The following PWP1 variants were observed in gnomAD, a reference collection of about 807,000 sequenced individuals.
The protein encoded by PWP1 is PWP1 homolog, endonuclein.
PWP1 carries 47 observed loss-of-function variants against 69.9 expected under a neutral mutation model. That is an observed-to-expected ratio of 0.67 (90% CI 0.53 to 0.86). The LOEUF is 0.86. Among genes scored for constraint, PWP1 ranks in the 40% least tolerant of loss-of-function variants. PWP1 has a pLI of 0.00. For missense variants in PWP1, 551 were observed against 608.8 expected, an observed-to-expected ratio of 0.91 and a Z score of 1.00; for synonymous variants, 222 against 208.2, an observed-to-expected ratio of 1.07 and a Z score of -0.57.
At chr12:107,693,492 A>C (rs1282597252) in intron 5 of PWP1, among the ~76,000 whole-genome samples, 1 of 151,888 alleles carries the variant, frequency 6.6e-6, no homozygotes, top group Non-Finnish European at 1.5e-5. Flanking sequence ...AGAGGTTTTT[A>C]ATCTTTTATT....
chr12:107,712,295 C>T lies in PWP1; in HGVS notation c.*75C>T. ...TGGCCTAAAAATGTTCCATGCGTGG[C>T]AGCAACCATGCAGAGTGACTGAAAC... On this transcript the variant is annotated 3_prime_UTR_variant, in exon 15 of 15. Coordinates refer to ENST00000412830, the MANE Select transcript of PWP1 (RefSeq NM_007062.3). 9.1e-7 allele frequency: 1 copy of T among 1,095,022 alleles called. No homozygotes were observed. The highest frequency in any genetic ancestry group is 1.3e-5 in the South Asian group (1 of 78,570). The allele number at this position is 1,095,022 out of a possible 1,614,324, so 67.8% of individuals were successfully genotyped here. A position where few individuals can be genotyped will look rare whatever the true frequency, so the allele number is the denominator to read the frequency against.
chr12:107,696,568 C>G lies in PWP1; in HGVS notation c.597C>G (p.Ser199Arg). The stretch of plus-strand genomic sequence containing the variant: ...TGGAATGGCTGAATTTTGATCCTAG[C>G]CCAGATGATTCTACTGGTAATTAGA... ...LSVEWLNFDP[S>R]PDDSTGNYIA... Residue 199 changes from serine to arginine, a missense_variant, in exon 6 of 15, where the codon AGC becomes AGG. Coordinates refer to ENST00000412830, the MANE Select transcript of PWP1 (RefSeq NM_007062.3). 6.2e-7 allele frequency: 1 copy of G among 1,614,088 alleles called. No homozygotes were observed. The highest frequency in any genetic ancestry group is 1.7e-4 in the Middle Eastern group (1 of 6,060).
intron 7 of PWP1, among the ~76,000 whole-genome samples, chr12:107,698,456 G>A (rs1449881773): frequency 1.3e-5 from 2 of 152,086 alleles, no homozygotes; most frequent in East Asian, 3.9e-4. Flanking sequence ...AGCCCAGGAG[G>A]TTGAGGTTGC....
rs772722107 is a variant in PWP1 at position 107,688,611 on chromosome 12, A to C, written c.132-4A>C. 1.5e-5 allele frequency: 25 copies of C among 1,613,280 alleles called. 1 individual carries two copies. In the South Asian group the frequency reaches 2.7e-4, roughly 18 times the overall value. ...TGATTCTCTTTTTCTTTCTGTGCTC[A>C]TAGAGAAGAAGGTGGTGGCAGTGAT... is the stretch of plus-strand genomic sequence containing the variant. On this transcript the variant is annotated splice_region_variant and splice_polypyrimidine_tract_variant and intron_variant, in intron 2 of 14. Transcript: ENST00000412830.
chr12:107,692,757 A>G, intron 3 of PWP1, 57 bp from the exon 4 acceptor site: 1 of 1,404,514 alleles, frequency 7.1e-7, no homozygotes, highest in Non-Finnish European at 1.0e-6. Flanking sequence ...GTCATAGGAA[A>G]TATGTTTTTG....
chr12:107,694,225 C>T (rs1007035363), intron 5 of PWP1, among the ~76,000 whole-genome samples: 12 of 152,180 alleles, frequency 7.9e-5, no homozygotes, highest in Non-Finnish European at 1.2e-4. Context: ...TTTCTTGTCC[C>T]TTCCACTGCG....
At chr12:107,701,226 C>T (rs1889702946) in intron 8 of PWP1, among the ~76,000 whole-genome samples, 1 of 152,006 alleles carries the variant, frequency 6.6e-6, no homozygotes, top group African/African-American at 2.4e-5. Flanking sequence ...TTCTGGGGCT[C>T]AGGTGATCCT....
chr12:107,693,118 A>AC, intron 5 of PWP1, 22 bp downstream of exon 5: 1 of 1,573,438 alleles, frequency 6.4e-7, no homozygotes, highest in East Asian at 2.2e-5. Flanking sequence ...ATCCCTTATT[A>AC]AAAGATTTTC....
rs185639066 is a variant in PWP1 at position 107,700,536 on chromosome 12, T to C, written c.806+1102T>C. The stretch of plus-strand genomic sequence containing the variant: ...CTTCCTTTTTAAGGCTAAATAATAT[T>C]CCATTGTATGTAATGTATGTTACCC... On this transcript the variant is annotated intron_variant, in intron 8 of 14. Transcript: ENST00000412830. 3.2e-3 allele frequency among the ~76,000 whole-genome samples: 484 copies of C among 152,334 alleles called. 3 individuals carry two copies. The highest frequency in any genetic ancestry group is 0.011 in the African/African-American group (472 of 41,578).
chr12:107,704,548 C>T lies in PWP1; in HGVS notation c.966-88C>T, dbSNP rs146401348. The stretch of plus-strand genomic sequence containing the variant: ...AGGCTTTAAATGAATCTTGATTTCA[C>T]AGTGCTATTTTATTACTATTTCATT... On this transcript the variant is annotated intron_variant, in intron 10 of 14. Coordinates refer to ENST00000412830, the MANE Select transcript of PWP1 (RefSeq NM_007062.3). 106 of 839,290 alleles carry T rather than the reference C, an allele frequency of 1.3e-4. No homozygotes were observed. The African/African-American group carries it at 1.6e-3, about 13-fold the overall frequency. The allele number at this position is 839,290 out of a possible 1,614,324, so 52.0% of individuals were successfully genotyped here. A position where few individuals can be genotyped will look rare whatever the true frequency, so the allele number is the denominator to read the frequency against.
intron 5 of PWP1, 144 bp downstream of exon 5, chr12:107,693,240 AT>A: frequency 1.6e-6 from 2 of 1,234,664 alleles, no homozygotes; most frequent in Non-Finnish European, 2.2e-6. Flanking sequence ...CAGGTGGCCA[AT>A]TTCTTGGTTA....
intron 3 of PWP1, among the ~76,000 whole-genome samples, chr12:107,691,009 GAGTA>G (rs1402645326): frequency 2.6e-5 from 4 of 152,186 alleles, no homozygotes; most frequent in Non-Finnish European, 2.9e-5. Flanking sequence ...AATGAGAAAT[GAGTA>G]AGTAGGCTCT....
intron 3 of PWP1, among the ~76,000 whole-genome samples, chr12:107,690,438 C>T (rs1006452962): frequency 6.6e-6 from 1 of 152,110 alleles, no homozygotes; most frequent in African/African-American, 2.4e-5. Context: ...GTTAGAATAT[C>T]GTTGAAATGC....
chr12:107,694,683 T>C (rs1889548232), intron 5 of PWP1, among the ~76,000 whole-genome samples: 1 of 152,220 alleles, frequency 6.6e-6, no homozygotes, highest in Admixed American at 6.5e-5. Context: ...GAGAACCTAT[T>C]AGAGTTTTTT....
In PWP1 at chr12:107,699,367, T is replaced by C. The variant is rs1404486491; in HGVS notation, c.745-6T>C. On this transcript the variant is annotated splice_polypyrimidine_tract_variant and splice_region_variant and intron_variant, in intron 7 of 14. Coordinates refer to ENST00000412830, the MANE Select transcript of PWP1 (RefSeq NM_007062.3). ...ATACAAAAAATAATTAAAACAATTA[T>C]TACAGAGTTCCTCAGCAGAAGGGCA... is the stretch of plus-strand genomic sequence containing the variant. 1 of 1,608,558 alleles carries C rather than the reference T, an allele frequency of 6.2e-7. No homozygotes were observed. Among genetic ancestry groups the C allele is most frequent in the Non-Finnish European group, 8.5e-7 (1 of 1,175,912 alleles).
chr12:107,710,543 CT>C, intron 14 of PWP1, 33 bp downstream of exon 14: 2 of 1,548,192 alleles, frequency 1.3e-6, no homozygotes, highest in East Asian at 2.3e-5. Context: ...ACACCTCCCC[CT>C]GCCCCTGTAA....
At chr12:107,687,908 G>C (rs907031634) in intron 1 of PWP1, among the ~76,000 whole-genome samples, 1 of 151,938 alleles carries the variant, frequency 6.6e-6, no homozygotes, top group Non-Finnish European at 1.5e-5. Flanking sequence ...GCGCGTGCCT[G>C]TAATCCCAGC....
chr12:107,687,617 C>T (rs1000784263), intron 1 of PWP1, among the ~76,000 whole-genome samples: 2 of 152,172 alleles, frequency 1.3e-5, no homozygotes, highest in South Asian at 4.1e-4. Flanking sequence ...AGAAATTGGA[C>T]AAGCCAGTTG....
Position 107,712,446 on chromosome 12 carries a change from TAAA to T in PWP1, c.*229_*231del. ...TGTTGCATTTCTTAAAAAAGAGTAA[TAAA>T]AAGGATTTTTAAAAAGTAATTCCTT... On this transcript the variant is annotated 3_prime_UTR_variant, in exon 15 of 15. Transcript: ENST00000412830. 7.8e-6 allele frequency: 3 copies of T among 382,760 alleles called. No individual in the cohort carries two copies. In the South Asian group the frequency reaches 1.8e-4, roughly 23 times the overall value. 23.7% of individuals were successfully genotyped at this position (382,760 alleles called of 1,614,324 possible).
Sources: allele counts gnomAD v4.1 joint callset (sites outside exome capture counted in the v4.1 genomes callset), GRCh38; gene constraint gnomAD v4.1.1; transcripts MANE v1.5; gene names NCBI Gene and HGNC (gene_info 2026-07-23, HGNC 2026-07-21).